Variants in PIP4P2 observed in about 807,000 individuals in gnomAD.
PIP4P2 encodes phosphatidylinositol-4,5-bisphosphate 4-phosphatase 2.
In PIP4P2, 19 loss-of-function variants were observed where a neutral mutation model predicts 33.3. The observed-to-expected ratio is 0.57, with a 90% CI of 0.40 to 0.84. The LOEUF (loss-of-function observed/expected upper bound fraction) is 0.84, where lower values mean the gene tolerates loss of function less well. Ranked by LOEUF, PIP4P2 falls within the 40% of genes least tolerant of loss-of-function variation. The pLI, the probability that PIP4P2 is intolerant of heterozygous loss-of-function variation, is 0.00. For missense variants in PIP4P2, 270 were observed against 324.7 expected (o/e 0.83, Z 1.29); for synonymous variants, 110 against 111.9 (o/e 0.98, Z 0.11).
chr8:91,032,616 C>T (rs188839655), intron 1 of PIP4P2, among the ~76,000 whole-genome samples: 1 of 151,682 alleles, frequency 6.6e-6, no homozygotes, highest in Admixed American at 6.6e-5. Flanking sequence ...CCCCACCTCT[C>T]CTAAAAATAC....
At chr8:91,009,400 CTGGT>C (rs1811802200) in intron 4 of PIP4P2, among the ~76,000 whole-genome samples, 1 of 151,996 alleles carries the variant, frequency 6.6e-6, no homozygotes, top group Non-Finnish European at 1.5e-5. Flanking sequence ...AAATGACTTA[CTGGT>C]TGTAGATAGT....
At chr8:91,012,973 T>G (rs1004702600) in intron 4 of PIP4P2, among the ~76,000 whole-genome samples, 1 of 152,204 alleles carries the variant, frequency 6.6e-6, no homozygotes, top group Non-Finnish European at 1.5e-5. Context: ...TCTTTTTGAT[T>G]GTTCTTTTCT....
chr8:91,021,395 G>A lies in PIP4P2; in HGVS notation c.116C>T (p.Pro39Leu). ...LQESSPRAEL[P>L]PPYTAIASPD... ...ACTGGCAATGGCTGTATATGGAGGTGGGAGCTCCGCTGAAAAGATATTAGT... is the reference window on the plus strand; with the variant it reads ...ACTGGCAATGGCTGTATATGGAGGTAGGAGCTCCGCTGAAAAGATATTAGT... Residue 39 changes from proline to leucine, a missense_variant, in exon 2 of 7, where the codon CCA becomes CTA. Pro to Leu is a moderately conservative substitution (Grantham distance 98). Transcript: ENST00000285419. The A allele has an allele frequency of 1.2e-6, 2 of 1,613,542 alleles. No individual in the cohort carries two copies. The highest frequency in any genetic ancestry group is 1.7e-6 in the Non-Finnish European group (2 of 1,179,662).
At chr8:91,033,620 T>G (rs1812199294) in intron 1 of PIP4P2, among the ~76,000 whole-genome samples, 1 of 152,040 alleles carries the variant, frequency 6.6e-6, no homozygotes, top group South Asian at 2.1e-4. Context: ...TGCTCCAACC[T>G]CTCCATAGCT....
intron 4 of PIP4P2, among the ~76,000 whole-genome samples, chr8:91,012,380 T>G (rs1033327317): frequency 1.3e-5 from 2 of 151,998 alleles, no homozygotes; most frequent in Non-Finnish European, 2.9e-5. Context: ...ACCTAATAAT[T>G]AACAGTGTGA....
At chr8:90,999,971 T>C (rs1327643552) in intron 5 of PIP4P2, among the ~76,000 whole-genome samples, 1 of 152,040 alleles carries the variant, frequency 6.6e-6, no homozygotes, top group Admixed American at 6.6e-5. Context: ...CTTTTCTACC[T>C]TTATTTCCAG....
At chr8:91,027,439 C>T (rs1812098825) in intron 1 of PIP4P2, among the ~76,000 whole-genome samples, 2 of 152,072 alleles carry the variant, frequency 1.3e-5, no homozygotes, top group South Asian at 4.1e-4. Context: ...TTAAAATCCA[C>T]CATCAAGCCC....
chr8:91,014,797 G>A (rs1043304878), intron 4 of PIP4P2, among the ~76,000 whole-genome samples: 7 of 55,302 alleles, frequency 1.3e-4, no homozygotes, highest in Middle Eastern at 0.014. Context: ...ACACACACAC[G>A]ATAACTATAT....
At chr8:91,040,294 C>T (rs1812286142) in intron 1 of PIP4P2, among the ~76,000 whole-genome samples, 1 of 152,134 alleles carries the variant, frequency 6.6e-6, no homozygotes, top group Admixed American at 6.6e-5. Context: ...CTCCTAGCTG[C>T]GCTTAGGGGC....
At chr8:91,037,209 T>C (rs539781202) in intron 1 of PIP4P2, among the ~76,000 whole-genome samples, 1 of 152,034 alleles carries the variant, frequency 6.6e-6, no homozygotes, top group African/African-American at 2.4e-5. Context: ...GGAAAGAGAG[T>C]CTTCGGAGAA....
Position 91,040,729 on chromosome 8 carries a change from G to A in PIP4P2, c.21C>T (p.Asp7=), listed in dbSNP as rs902490060. ...ATGCTGACAGCAGAGGCGAGCGTTC[G>A]TCCACCCCATCAGCAGCCATGACTG... The part of the protein sequence containing the change: MAADGV[D]ERSPLLSASH... Residue 7 remains aspartate (D), a synonymous_variant, in exon 1 of 7, where the codon GAC becomes GAT. Coordinates refer to ENST00000285419, the MANE Select transcript of PIP4P2 (RefSeq NM_018710.3). The A allele has an allele frequency of 6.2e-7, 1 of 1,612,412 alleles. No homozygotes were observed. Among genetic ancestry groups the A allele is most frequent in the Non-Finnish European group, 8.5e-7 (1 of 1,179,958 alleles).
intron 1 of PIP4P2, among the ~76,000 whole-genome samples, chr8:91,023,932 G>A (rs1277949061): frequency 1.3e-5 from 2 of 151,714 alleles, no homozygotes; most frequent in Non-Finnish European, 1.5e-5. Flanking sequence ...AGCAAAAACC[G>A]CAATTACTTT....
Position 91,020,183 on chromosome 8 carries a change from C to A in PIP4P2, c.336G>T (p.Arg112=). 1.2e-6 allele frequency: 2 copies of A among 1,613,684 alleles called. No individual in the cohort carries two copies. Among genetic ancestry groups the A allele is most frequent in the Non-Finnish European group, 1.7e-6 (2 of 1,179,772 alleles). Residue 112 remains arginine (R), a synonymous_variant, in exon 3 of 7, where the codon CGG becomes CGT. Coordinates refer to ENST00000285419, the MANE Select transcript of PIP4P2 (RefSeq NM_018710.3). ...NCLLICKDTS[R]RIGCPRPNCR... ...AGTTGGGTCTTGGGCATCCTATTCGCCGAGATGTGTCCTTACAAATGAGAA... is the reference window on the plus strand; with the variant it reads ...AGTTGGGTCTTGGGCATCCTATTCGACGAGATGTGTCCTTACAAATGAGAA...
intron 4 of PIP4P2, 109 bp downstream of exon 4, chr8:91,018,280 TA>T: frequency 6.6e-7 from 1 of 1,506,226 alleles, no homozygotes; most frequent in Middle Eastern, 1.8e-4. Flanking sequence ...TCTATTTTAA[TA>T]TTTTGATTAA....
intron 1 of PIP4P2, among the ~76,000 whole-genome samples, chr8:91,030,952 A>G (rs906014457): frequency 2.0e-5 from 3 of 152,188 alleles, no homozygotes; most frequent in African/African-American, 7.2e-5. Flanking sequence ...GCTCCCATTG[A>G]GAGGTAAGGT....
intron 5 of PIP4P2, among the ~76,000 whole-genome samples, chr8:91,007,094 T>C (rs189111375): frequency 1.3e-3 from 193 of 152,316 alleles, no homozygotes; most frequent in Non-Finnish European, 2.2e-3. Flanking sequence ...TACCCAGAAA[T>C]ATGTATCATC....
At chr8:90,996,492 T>C (rs1811631087) in intron 6 of PIP4P2, among the ~76,000 whole-genome samples, 162 bp downstream of exon 6, 1 of 152,044 alleles carries the variant, frequency 6.6e-6, no homozygotes, top group Non-Finnish European at 1.5e-5. Flanking sequence ...AAGAGGTCCA[T>C]GGATTGGGTT....
intron 4 of PIP4P2, among the ~76,000 whole-genome samples, chr8:91,010,526 C>G (rs1035426633): frequency 2.0e-5 from 3 of 151,870 alleles, no homozygotes; most frequent in African/African-American, 7.2e-5. Context: ...ACAGTAGGGA[C>G]TTTATTCTGT....
intron 5 of PIP4P2, among the ~76,000 whole-genome samples, chr8:91,006,462 T>C (rs1483058641): frequency 6.6e-6 from 1 of 152,210 alleles, no homozygotes; most frequent in Non-Finnish European, 1.5e-5. Context: ...ATTCAATACT[T>C]CCTTATTAGT....
Sources: gnomAD v4.1 joint callset for allele counts (sites outside exome capture counted in the v4.1 genomes callset) on GRCh38, gnomAD v4.1.1 for gene constraint, MANE v1.5 for transcripts, NCBI Gene and HGNC (gene_info 2026-07-23, HGNC 2026-07-21) for gene names.